The following DISC1 variants were observed in gnomAD, a reference collection of about 807,000 sequenced individuals.
DISC1 encodes the protein disrupted in schizophrenia 1 protein.
A neutral mutation model predicts 84.5 loss-of-function variants in DISC1; 57 were observed. The observed-to-expected ratio is 0.67, with a 90% CI of 0.55 to 0.84. The LOEUF is 0.84. Among genes scored for constraint, DISC1 ranks in the 40% least tolerant of loss-of-function variants. The pLI is 0.00. For missense variants in DISC1, 1,000 were observed against 1,057.8 expected (o/e 0.95, Z 0.76); for synonymous variants, 411 against 415.2 (o/e 0.99, Z 0.12).
At chr1:231,950,222 G>C (rs1336245964) in intron 9 of DISC1, among the ~76,000 whole-genome samples, 1 of 151,174 alleles carries the variant, frequency 6.6e-6, no homozygotes, top group African/African-American at 2.4e-5. Flanking sequence ...GTGTGTGTGT[G>C]TGTGTGTGTG....
intron 3 of DISC1, among the ~76,000 whole-genome samples, chr1:231,735,846 T>C (rs1373146993): frequency 6.6e-6 from 1 of 152,196 alleles, no homozygotes; most frequent in Non-Finnish European, 1.5e-5. Flanking sequence ...GGGGTCTGGC[T>C]CTGTTGCCCA....
chr1:231,674,588 G>A (rs2062959081), intron 1 of DISC1, among the ~76,000 whole-genome samples: 1 of 152,154 alleles, frequency 6.6e-6, no homozygotes, highest in South Asian at 2.1e-4. Flanking sequence ...GGTGTGACCC[G>A]GGTGTGCAGC....
chr1:231,728,177 G>C (rs904006246), intron 3 of DISC1, among the ~76,000 whole-genome samples: 2 of 151,970 alleles, frequency 1.3e-5, no homozygotes, highest in Non-Finnish European at 2.9e-5. Flanking sequence ...CCTCTTTAGA[G>C]GTTTATCTTT....
At chr1:231,636,863 TGC>T (rs1251598317) in intron 1 of DISC1, among the ~76,000 whole-genome samples, 1 of 152,206 alleles carries the variant, frequency 6.6e-6, no homozygotes, top group Non-Finnish European at 1.5e-5. Flanking sequence ...GGTATACATG[TGC>T]CATGGTGGTT....
At chr1:231,738,770 A>T (rs1330953591) in intron 3 of DISC1, among the ~76,000 whole-genome samples, 1 of 152,182 alleles carries the variant, frequency 6.6e-6, no homozygotes, top group Non-Finnish European at 1.5e-5. Flanking sequence ...TCAGCATTCT[A>T]TTAGCATGGA....
At chr1:232,035,940 G>A (rs1195142650) in intron 12 of DISC1, among the ~76,000 whole-genome samples, 1 of 152,174 alleles carries the variant, frequency 6.6e-6, no homozygotes, top group African/African-American at 2.4e-5. Context: ...TTTTCTCCAT[G>A]TGAGAAATAA....
intron 9 of DISC1, among the ~76,000 whole-genome samples, chr1:231,901,417 G>A (rs1157542735): frequency 6.6e-6 from 1 of 152,158 alleles, no homozygotes; most frequent in Non-Finnish European, 1.5e-5. Context: ...CATGGTGCAT[G>A]GCAAATGCAG....
intron 9 of DISC1, among the ~76,000 whole-genome samples, chr1:231,931,010 A>G (rs996252583): frequency 2.3e-4 from 35 of 152,220 alleles, no homozygotes; most frequent in African/African-American, 7.0e-4. Flanking sequence ...AAGGCTGGGC[A>G]TGTCCTTCTG....
chr1:231,693,266 T>C (rs1165028526), intron 1 of DISC1, among the ~76,000 whole-genome samples: 1 of 152,248 alleles, frequency 6.6e-6, no homozygotes, highest in African/African-American at 2.4e-5. Context: ...TGTCATCCAC[T>C]GAGTGAGATG....
chr1:231,655,460 G>A (rs1188500417), intron 1 of DISC1, among the ~76,000 whole-genome samples: 1 of 152,010 alleles, frequency 6.6e-6, no homozygotes. Context: ...AGTATTCCAT[G>A]GTGTATATAT....
At chr1:231,823,299 G>T (rs1021838115) in intron 9 of DISC1, among the ~76,000 whole-genome samples, 2 of 152,188 alleles carry the variant, frequency 1.3e-5, no homozygotes, top group African/African-American at 2.4e-5. Context: ...CAGGGAGAGG[G>T]AGGAAATGGA....
At chr1:231,793,155 C>A (rs200889163) in intron 6 of DISC1, among the ~76,000 whole-genome samples, 3 of 152,142 alleles carry the variant, frequency 2.0e-5, no homozygotes, top group Non-Finnish European at 2.9e-5. Flanking sequence ...GAAGAACAAA[C>A]AAACAAAAAT....
chr1:231,968,214 A>G (rs1227804939), intron 10 of DISC1, among the ~76,000 whole-genome samples: 2 of 152,212 alleles, frequency 1.3e-5, no homozygotes, highest in South Asian at 4.1e-4. Flanking sequence ...ACTCAGATCA[A>G]TTCAAAAAAT....
chr1:231,876,878 T>G (rs1406213372), intron 9 of DISC1, among the ~76,000 whole-genome samples: 1 of 152,130 alleles, frequency 6.6e-6, no homozygotes, highest in East Asian at 1.9e-4. Context: ...CCACCCTCAT[T>G]GTTAATGGTA....
intron 9 of DISC1, among the ~76,000 whole-genome samples, chr1:231,886,065 A>AG (rs1186773939): frequency 1.3e-5 from 2 of 152,096 alleles, no homozygotes; most frequent in East Asian, 1.9e-4. Context: ...AAAGCAAGCA[A>AG]GGGGGGGCCA....
rs1160518001 is a variant in DISC1, at chr1:231,722,517, G to A, written c.1117+20493G>A. The A allele has an allele frequency of 2.5e-6, 4 of 1,613,990 alleles. No individual in the cohort carries two copies. In the East Asian group the frequency reaches 8.9e-5, roughly 36 times the overall value. On this transcript the variant is annotated intron_variant, in intron 3 of 12. Coordinates refer to ENST00000439617, the MANE Select transcript of DISC1 (RefSeq NM_018662.3). ...TATTCTGTGTCCATTCCACTCAGAG[G>A]TATTCATTTTCTTCTTGGCAGCTGG... is the stretch of plus-strand genomic sequence containing the variant.
At chr1:231,671,630 G>T (rs1210281588) in intron 1 of DISC1, among the ~76,000 whole-genome samples, 1 of 152,236 alleles carries the variant, frequency 6.6e-6, no homozygotes, top group East Asian at 1.9e-4. Context: ...GGTTGTATTG[G>T]TTTTAGTATC....
intron 12 of DISC1, among the ~76,000 whole-genome samples, chr1:232,028,996 G>T (rs1669745747): frequency 6.6e-6 from 1 of 152,168 alleles, no homozygotes; most frequent in South Asian, 2.1e-4. Context: ...GAACTTTTCA[G>T]CCACAAGCCC....
At chr1:232,035,487 G>A (rs199967507) in intron 12 of DISC1, among the ~76,000 whole-genome samples, 3 of 152,140 alleles carry the variant, frequency 2.0e-5, no homozygotes, top group Non-Finnish European at 2.9e-5. Context: ...ACAGTGGTTC[G>A]TAAGGGTGTC....
Sources: gnomAD v4.1 joint callset for allele counts (sites outside exome capture counted in the v4.1 genomes callset) on GRCh38, gnomAD v4.1.1 for gene constraint, MANE v1.5 for transcripts, NCBI Gene and HGNC (gene_info 2026-07-23, HGNC 2026-07-21) for gene names.